Variants in TTC6 observed in about 807,000 individuals in gnomAD.
The protein encoded by TTC6 is tetratricopeptide repeat protein 6.
A neutral mutation model predicts 210.4 loss-of-function variants in TTC6; 172 were observed. That is an observed-to-expected ratio of 0.82 (90% CI 0.72 to 0.93). The LOEUF is 0.93. Among genes scored for constraint, TTC6 ranks in the 40% least tolerant of loss-of-function variants. The pLI is 0.00. For synonymous variants in TTC6, 804 were observed against 819.6 expected, an observed-to-expected ratio of 0.98 and a Z score of 0.32; for missense variants, 2,414 against 2,318.1, an observed-to-expected ratio of 1.04 and a Z score of -0.85.
intron 5 of TTC6, among the ~76,000 whole-genome samples, chr14:37,705,998 T>C (rs2095834779): frequency 6.6e-6 from 1 of 152,136 alleles, no homozygotes; most frequent in South Asian, 2.1e-4. Context: ...GTTCATGCTG[T>C]GGGCAATTGG....
At chr14:37,792,561 T>A in intron 17 of TTC6, 147 bp downstream of exon 19, 2 of 557,034 alleles carry the variant, frequency 3.6e-6, no homozygotes, top group South Asian at 5.8e-5. Flanking sequence ...GGTAGTTAAC[T>A]CTAATTACTC....
chr14:37,634,230 A>G (rs775929068), intron 1 of TTC6, among the ~76,000 whole-genome samples: 2 of 152,246 alleles, frequency 1.3e-5, no homozygotes, highest in Non-Finnish European at 2.9e-5. Context: ...ACTTGAAACA[A>G]ACAGAAAAGT....
chr14:37,806,131 A>C (rs1184206664), intron 21 of TTC6, among the ~76,000 whole-genome samples: 1 of 152,206 alleles, frequency 6.6e-6, no homozygotes, highest in Non-Finnish European at 1.5e-5. Context: ...GTAATCTAAC[A>C]ATATGGATTA....
chr14:37,658,191 A>G (rs1566868962), intron 1 of TTC6, among the ~76,000 whole-genome samples: 1 of 152,226 alleles, frequency 6.6e-6, no homozygotes, highest in Non-Finnish European at 1.5e-5. Flanking sequence ...CTCACTTATG[A>G]AATATTCTTC....
At chr14:37,614,361 A>G (rs1211940405) in intron 2 of TTC6, among the ~76,000 whole-genome samples, 1 of 152,194 alleles carries the variant, frequency 6.6e-6, no homozygotes, top group Non-Finnish European at 1.5e-5. Flanking sequence ...ACAACCATAT[A>G]GTTCCTTTAC....
At chr14:37,804,639 G>A (rs2096114256) in intron 20 of TTC6, 41 bp from the exon 23 acceptor site, 4 of 1,598,426 alleles carry the variant, frequency 2.5e-6, no homozygotes, top group African/African-American at 2.7e-5. Context: ...ATAGTGGAAA[G>A]AAACATTTCT....
At chr14:37,612,032 G>T (rs748171550) in intron 2 of TTC6, among the ~76,000 whole-genome samples, 3 of 151,922 alleles carry the variant, frequency 2.0e-5, no homozygotes, top group East Asian at 1.9e-4. Context: ...TGAACAAATT[G>T]CTTTTTTCAT....
At chr14:37,682,678 A>G in intron 2 of TTC6, 80 bp from the exon 5 acceptor site, 1 of 1,188,360 alleles carries the variant, frequency 8.4e-7, no homozygotes, top group South Asian at 1.4e-5. Context: ...ATCTTGTCAG[A>G]TAGAAACTGT....
intron 20 of TTC6, among the ~76,000 whole-genome samples, chr14:37,803,045 C>G (rs915372831): frequency 6.6e-6 from 1 of 152,118 alleles, no homozygotes. Context: ...CATTGACTTT[C>G]TTATTGCAGA....
At chr14:37,739,107 T>A in exon 10 of TTC6, 4 of 1,527,480 alleles carry the variant, frequency 2.6e-6, no homozygotes, top group South Asian at 1.2e-5. Flanking sequence ...CAACAAAAAC[T>A]TATATTCGTG....
At chr14:37,787,738 G>A in intron 15 of TTC6, 101 bp downstream of exon 17, 3 of 876,744 alleles carry the variant, frequency 3.4e-6, no homozygotes, top group Admixed American at 3.2e-5. Context: ...AATGTAATAT[G>A]TATACTACTA....
At chr14:37,771,164 G>A (rs970799152) in intron 14 of TTC6, among the ~76,000 whole-genome samples, 61 of 152,102 alleles carry the variant, frequency 4.0e-4, no homozygotes, top group African/African-American at 1.2e-3. Context: ...GGTTTCTGCC[G>A]AGAGATCCAC....
At chr14:37,840,081 G>A (rs548479073) in intron 29 of TTC6, among the ~76,000 whole-genome samples, 3 of 152,120 alleles carry the variant, frequency 2.0e-5, no homozygotes, top group African/African-American at 7.2e-5. Context: ...GTAGCGTGAT[G>A]CCTCCAGCTA....
At chr14:37,807,448 A>T in exon 23 of TTC6, 1 of 1,505,362 alleles carries the variant, frequency 6.6e-7, no homozygotes, top group South Asian at 1.3e-5. Context: ...GAGTTCTGAA[A>T]TACTACAACA....
At chr14:37,740,227 A>G (rs1309245339) in intron 10 of TTC6, among the ~76,000 whole-genome samples, 1 of 152,100 alleles carries the variant, frequency 6.6e-6, no homozygotes, top group Non-Finnish European at 1.5e-5. Flanking sequence ...ATCAACACAG[A>G]AATAGTTTTT....
exon 23 of TTC6, chr14:37,807,340 A>C (rs1415154401): frequency 5.2e-6 from 8 of 1,530,172 alleles, no homozygotes; most frequent in Non-Finnish European, 5.3e-6. Flanking sequence ...GCCGAGTAGC[A>C]TTCTATGGTT....
intron 1 of TTC6, among the ~76,000 whole-genome samples, chr14:37,654,995 G>A (rs2095719309): frequency 6.6e-6 from 1 of 152,162 alleles, no homozygotes; most frequent in African/African-American, 2.4e-5. Flanking sequence ...GATACTAAGT[G>A]CATGATTTTA....
At chr14:37,784,246 G>A (rs1162796414) in intron 14 of TTC6, among the ~76,000 whole-genome samples, 1 of 152,150 alleles carries the variant, frequency 6.6e-6, no homozygotes, top group African/African-American at 2.4e-5. Context: ...TTATTATTGT[G>A]TGGGAGTCTA....
intron 29 of TTC6, among the ~76,000 whole-genome samples, chr14:37,831,549 G>A (rs2096185175): frequency 6.6e-6 from 1 of 152,052 alleles, no homozygotes; most frequent in African/African-American, 2.4e-5. Context: ...GTGTACTAAA[G>A]CTCCGATTCT....
Sources: allele counts gnomAD v4.1 joint callset (sites outside exome capture counted in the v4.1 genomes callset), GRCh38; gene constraint gnomAD v4.1.1; transcripts MANE v1.5; gene names NCBI Gene and HGNC (gene_info 2026-07-23, HGNC 2026-07-21).